Variants in SYT10 observed in about 807,000 individuals in gnomAD.
SYT10 encodes synaptotagmin-10.
SYT10 carries 31 observed loss-of-function variants against 51.1 expected under a neutral mutation model. The observed-to-expected ratio is 0.61, with a 90% CI of 0.46 to 0.82. The LOEUF (loss-of-function observed/expected upper bound fraction) is 0.82. SYT10 is among the 40% of genes least tolerant of loss of function. SYT10 has a pLI of 0.00. For missense variants in SYT10, 603 were observed against 634.0 expected (o/e 0.95, Z 0.53); for synonymous variants, 233 against 225.9 (o/e 1.03, Z -0.28).
rs141033432 is a variant in SYT10, at chr12:33,402,618, C to G, written c.1077+4171G>C. Among the ~76,000 whole-genome samples the G allele has an allele frequency of 2.0e-3, 297 of 152,246 alleles. 1 individual carries two copies. The highest frequency in any genetic ancestry group is 6.6e-3 in the African/African-American group (276 of 41,556). ...TCTTTCTTTCAATTTTAGAACTAAA[C>G]TTTGTTCACAGGAAGTTCTCAGTAA... is the stretch of plus-strand genomic sequence containing the variant. On this transcript the variant is annotated intron_variant, in intron 3 of 6. Coordinates refer to ENST00000228567, the MANE Select transcript of SYT10 (RefSeq NM_198992.4).
intron 2 of SYT10, among the ~76,000 whole-genome samples, chr12:33,416,512 A>C (rs897036035): frequency 6.6e-6 from 1 of 152,152 alleles, no homozygotes; most frequent in African/African-American, 2.4e-5. Flanking sequence ...TCATTATCTT[A>C]GTCTTCTGGT....
intron 2 of SYT10, among the ~76,000 whole-genome samples, chr12:33,414,199 A>T (rs11052687): frequency 0.61 from 93,132 of 151,892 alleles, 29,741 homozygotes; most frequent in East Asian, 0.89. Context: ...CCTTAGAAAC[A>T]TACAAAGAGA....
At chr12:33,378,070 A>G (rs1866079853) in intron 6 of SYT10, among the ~76,000 whole-genome samples, 1 of 152,176 alleles carries the variant, frequency 6.6e-6, no homozygotes, top group Admixed American at 6.5e-5. Context: ...ATAATGCACA[A>G]TCCAGCTAGT....
At chr12:33,433,740 T>A (rs558354284) in intron 1 of SYT10, among the ~76,000 whole-genome samples, 1 of 152,160 alleles carries the variant, frequency 6.6e-6, no homozygotes. Context: ...TGGGTCATAA[T>A]TGCACACTAA....
chr12:33,410,095 T>A (rs1591991264), intron 2 of SYT10, among the ~76,000 whole-genome samples: 1 of 152,182 alleles, frequency 6.6e-6, no homozygotes, highest in Non-Finnish European at 1.5e-5. Context: ...CACATAAGAT[T>A]TTGGCAAGTC....
intron 3 of SYT10, among the ~76,000 whole-genome samples, chr12:33,386,361 C>G (rs769767643): frequency 6.6e-6 from 1 of 152,086 alleles, no homozygotes; most frequent in Non-Finnish European, 1.5e-5. Flanking sequence ...ACCTTTCTCT[C>G]TAACATTTTT....
At chr12:33,399,837 T>C (rs563934473) in intron 3 of SYT10, among the ~76,000 whole-genome samples, 1 of 152,338 alleles carries the variant, frequency 6.6e-6, no homozygotes, top group South Asian at 2.1e-4. Context: ...TACAGGTTCA[T>C]GGAATTTACT....
chr12:33,424,918 A>G (rs906187206), intron 2 of SYT10, among the ~76,000 whole-genome samples: 1 of 152,088 alleles, frequency 6.6e-6, no homozygotes, highest in Non-Finnish European at 1.5e-5. Context: ...TAAGTAGCCT[A>G]GAAAAGTGTA....
intron 2 of SYT10, among the ~76,000 whole-genome samples, chr12:33,417,205 T>G (rs1200426248): frequency 6.6e-6 from 1 of 152,194 alleles, no homozygotes. Context: ...GAGCCTGTAC[T>G]GTAAGATATG....
Position 33,439,740 on chromosome 12 carries a change from G to A in SYT10, c.-218C>T, listed in dbSNP as rs972128751. On this transcript the variant is annotated 5_prime_UTR_variant, in exon 1 of 7. Coordinates refer to ENST00000228567, the MANE Select transcript of SYT10 (RefSeq NM_198992.4). ...AAGGAGAGGCGCGCGAGGAGGCTGCGGCTGCCGCGAGGTTTGCGCCAACTC... is the reference window on the plus strand; with the variant it reads ...AAGGAGAGGCGCGCGAGGAGGCTGCAGCTGCCGCGAGGTTTGCGCCAACTC... 1 of 569,004 alleles carries A rather than the reference G, an allele frequency of 1.8e-6. No individual in the cohort carries two copies. The highest frequency in any genetic ancestry group is 3.0e-6 in the Non-Finnish European group (1 of 335,112). 35.2% of individuals were successfully genotyped at this position (569,004 alleles called of 1,614,324 possible). A position where few individuals can be genotyped will look rare whatever the true frequency, so the allele number is the denominator to read the frequency against.
chr12:33,400,572 T>C (rs1360568313), intron 3 of SYT10, among the ~76,000 whole-genome samples: 3 of 82,620 alleles, frequency 3.6e-5, no homozygotes, highest in Non-Finnish European at 6.2e-5. Context: ...TAGAACACAG[T>C]TGGTGCAAAA....
intron 3 of SYT10, among the ~76,000 whole-genome samples, 188 bp downstream of exon 3, chr12:33,406,601 A>G (rs935726648): frequency 6.6e-6 from 1 of 152,174 alleles, no homozygotes; most frequent in African/African-American, 2.4e-5. Flanking sequence ...CACAATCACT[A>G]GGGTTACTAG....
chr12:33,423,882 T>C (rs1591996386), intron 2 of SYT10: 1 of 451,072 alleles, frequency 2.2e-6, no homozygotes, highest in East Asian at 7.0e-5. Flanking sequence ...TTAACTCACA[T>C]GTCATGGGGA....
chr12:33,409,745 G>C (rs1479602878), intron 2 of SYT10, among the ~76,000 whole-genome samples: 4 of 152,090 alleles, frequency 2.6e-5, no homozygotes, highest in African/African-American at 9.7e-5. Flanking sequence ...TCGATCTCCT[G>C]ATCTCAAAGA....
intron 2 of SYT10, 58 bp downstream of exon 2, chr12:33,426,080 A>G: frequency 6.8e-7 from 1 of 1,472,546 alleles, no homozygotes; most frequent in Non-Finnish European, 9.1e-7. Flanking sequence ...ACACACACAC[A>G]CACACACACA....
chr12:33,386,433 A>ATG, intron 3 of SYT10, among the ~76,000 whole-genome samples: 1 of 151,328 alleles, frequency 6.6e-6, no homozygotes, highest in Non-Finnish European at 1.5e-5. Context: ...GTGTGTGTGC[A>ATG]TGTGTGTGTG....
At position 33,407,302 on chromosome 12, in the gene SYT10, A is replaced by G. The variant is rs1866366063; in HGVS notation, c.564T>C (p.Asp188=). The change falls in exon 3 of 7, where the codon GAT becomes GAC. Residue 188 remains aspartate, a synonymous_variant. Transcript: ENST00000228567. ...LPRQMQVSSV[D]FSMGTEPVLQ... is the part of the protein sequence containing the mutation. ...AAACAGGTTCTGTGCCCATGCTAAA[A>G]TCAACACTGGAAACCTGCATTTGCC... is the stretch of plus-strand genomic sequence containing the variant. 1 of 1,611,366 alleles carries G rather than the reference A, an allele frequency of 6.2e-7. No individual in the cohort carries two copies. The highest frequency in any genetic ancestry group is 1.7e-5 in the Admixed American group (1 of 60,004).
intron 6 of SYT10, among the ~76,000 whole-genome samples, chr12:33,377,178 A>G (rs1219216414): frequency 6.6e-6 from 1 of 152,140 alleles, no homozygotes; most frequent in South Asian, 2.1e-4. Context: ...TTCAAATTTT[A>G]CAACAGGGTT....
intron 4 of SYT10, among the ~76,000 whole-genome samples, chr12:33,383,015 C>T (rs894855479): frequency 9.9e-5 from 15 of 152,030 alleles, no homozygotes; most frequent in East Asian, 5.8e-4. Context: ...ATGCCAATTA[C>T]GGGGGAAAAA....
Sources: gnomAD v4.1 joint callset for allele counts (sites outside exome capture counted in the v4.1 genomes callset) on GRCh38, gnomAD v4.1.1 for gene constraint, MANE v1.5 for transcripts, NCBI Gene and HGNC (gene_info 2026-07-23, HGNC 2026-07-21) for gene names.